Variants in MGAT4C observed in about 807,000 individuals in gnomAD.
MGAT4C encodes the protein alpha-1,3-mannosyl-glycoprotein 4-beta-N-acetylglucosaminyltransferase C.
In MGAT4C, 19 loss-of-function variants were observed where a neutral mutation model predicts 40.1. The ratio of observed to expected loss-of-function variants is 0.47; its 90% confidence interval spans 0.33 to 0.70. The LOEUF is 0.70. Ranked by LOEUF, MGAT4C falls within the 30% of genes least tolerant of loss-of-function variation. MGAT4C has a pLI of 0.02. For synonymous variants in MGAT4C, 181 were observed against 187.1 expected (o/e 0.97, Z 0.27); for missense variants, 491 against 563.2 (o/e 0.87, Z 1.30).
At chr12:86,297,675 A>G (rs996091652) in intron 4 of MGAT4C, among the ~76,000 whole-genome samples, 3 of 152,170 alleles carry the variant, frequency 2.0e-5, no homozygotes, top group African/African-American at 7.2e-5. Context: ...GTTGGTGCTG[A>G]TAAGATTTGG....
intron 2 of MGAT4C, among the ~76,000 whole-genome samples, chr12:86,009,671 T>A: frequency 6.6e-6 from 1 of 152,212 alleles, no homozygotes; most frequent in East Asian, 1.9e-4. Context: ...ATTCTGCTTT[T>A]CTTTTAGTTG....
At chr12:86,616,068 A>C (rs1962436593) in intron 2 of MGAT4C, among the ~76,000 whole-genome samples, 2 of 152,124 alleles carry the variant, frequency 1.3e-5, no homozygotes, top group Admixed American at 6.5e-5. Flanking sequence ...TTGCTTCCAG[A>C]ATAGAGCTAT....
intron 4 of MGAT4C, among the ~76,000 whole-genome samples, chr12:86,297,052 T>C (rs1207932598): frequency 1.3e-5 from 2 of 152,218 alleles, no homozygotes; most frequent in African/African-American, 4.8e-5. Context: ...AAAGAAAATA[T>C]TTCCCTAGTG....
intron 1 of MGAT4C, among the ~76,000 whole-genome samples, chr12:86,203,180 G>A (rs1950112837): frequency 6.6e-6 from 1 of 152,054 alleles, no homozygotes; most frequent in African/African-American, 2.4e-5. Context: ...CAGATCTTCT[G>A]TATTTTGTTT....
intron 1 of MGAT4C, among the ~76,000 whole-genome samples, chr12:86,215,472 C>A (rs1950636605): frequency 6.6e-6 from 1 of 152,092 alleles, no homozygotes. Context: ...AGAGTATACT[C>A]TTTTAATAAG....
At chr12:86,147,391 G>A (rs994012986) in intron 1 of MGAT4C, among the ~76,000 whole-genome samples, 4 of 151,998 alleles carry the variant, frequency 2.6e-5, no homozygotes, top group Non-Finnish European at 5.9e-5. Flanking sequence ...ACAGGCACCC[G>A]CCACCACGCC....
intron 3 of MGAT4C, among the ~76,000 whole-genome samples, chr12:86,352,875 G>A (rs2136193252): frequency 6.6e-6 from 1 of 151,804 alleles, no homozygotes; most frequent in African/African-American, 2.4e-5. Flanking sequence ...TGTTGGGTGG[G>A]GGAAGGGGGG....
chr12:86,313,312 C>T (rs1031184899), intron 4 of MGAT4C, among the ~76,000 whole-genome samples: 1 of 145,588 alleles, frequency 6.9e-6, no homozygotes, highest in Non-Finnish European at 1.5e-5. Context: ...AATGAAAACT[C>T]ACAATGCAGG....
rs73389818 is a variant in MGAT4C, at chr12:86,520,073, A to G, written c.-228-84808T>C. On this transcript the variant is annotated intron_variant, in intron 2 of 7. Transcript: ENST00000548651. ...TTAATGTATTTCTTTTTAATTTAAC[A>G]TTTATTTTAAGTGCAGAGTACATGT... Among the ~76,000 whole-genome samples the G allele has an allele frequency of 3.2e-3, 493 of 152,132 alleles. 2 individuals carry two copies. Among genetic ancestry groups the G allele is most frequent in the African/African-American group, 0.012 (480 of 41,518 alleles).
intron 1 of MGAT4C, among the ~76,000 whole-genome samples, chr12:86,239,689 G>C (rs1315698755): frequency 6.6e-6 from 1 of 151,908 alleles, no homozygotes; most frequent in Non-Finnish European, 1.5e-5. Context: ...TTAAGTCAGT[G>C]GGAGATCCAG....
At chr12:86,665,725 T>G (rs1964089465) in intron 2 of MGAT4C, among the ~76,000 whole-genome samples, 1 of 152,158 alleles carries the variant, frequency 6.6e-6, no homozygotes, top group African/African-American at 2.4e-5. Context: ...ATTATACAAT[T>G]TAATGCAATT....
intron 2 of MGAT4C, among the ~76,000 whole-genome samples, chr12:86,026,248 A>T (rs562937040): frequency 6.6e-6 from 1 of 151,918 alleles, no homozygotes; most frequent in Non-Finnish European, 1.5e-5. Context: ...CTCTACTCCC[A>T]TCACTGTAAT....
intron 2 of MGAT4C, among the ~76,000 whole-genome samples, chr12:86,583,381 A>C (rs1167463694): frequency 2.0e-5 from 3 of 151,372 alleles, no homozygotes; most frequent in Admixed American, 6.6e-5. Flanking sequence ...AAATAACAAA[A>C]GTAATAAAGA....
At chr12:86,478,551 C>A (rs908748688) in intron 2 of MGAT4C, among the ~76,000 whole-genome samples, 1 of 152,020 alleles carries the variant, frequency 6.6e-6, no homozygotes, top group African/African-American at 2.4e-5. Flanking sequence ...ATAATATCAA[C>A]AAAAATATTG....
chr12:86,564,873 C>T (rs1177505038), intron 2 of MGAT4C, among the ~76,000 whole-genome samples: 1 of 152,166 alleles, frequency 6.6e-6, no homozygotes, highest in Non-Finnish European at 1.5e-5. Context: ...GTGCAAGCTG[C>T]TCTGCCACTT....
chr12:86,802,959 C>G (rs1952261867), intron 1 of MGAT4C, among the ~76,000 whole-genome samples: 1 of 124,790 alleles, frequency 8.0e-6, no homozygotes, highest in Non-Finnish European at 1.7e-5. Flanking sequence ...ATCGCCAAGT[C>G]AATCCTAAGC....
chr12:86,458,001 T>A (rs1006959082), intron 2 of MGAT4C, among the ~76,000 whole-genome samples: 1 of 151,984 alleles, frequency 6.6e-6, no homozygotes, highest in African/African-American at 2.4e-5. Context: ...AGTCAGAGAA[T>A]CATAAATTAA....
chr12:86,440,879 TA>T (rs905628819), intron 2 of MGAT4C, among the ~76,000 whole-genome samples: 1 of 151,348 alleles, frequency 6.6e-6, no homozygotes, highest in East Asian at 1.9e-4. Flanking sequence ...TTACAATAAC[TA>T]AAAAAAATCT....
At chr12:86,771,684 ATATG>A (rs1454665391) in intron 1 of MGAT4C, among the ~76,000 whole-genome samples, 5 of 131,136 alleles carry the variant, frequency 3.8e-5, no homozygotes, top group African/African-American at 9.4e-5. Context: ...ACATAAATAT[ATATG>A]TGTGTGTGTG....
Sources: allele counts gnomAD v4.1 joint callset (sites outside exome capture counted in the v4.1 genomes callset), GRCh38; gene constraint gnomAD v4.1.1; transcripts MANE v1.5; gene names NCBI Gene and HGNC (gene_info 2026-07-23, HGNC 2026-07-21).